CSMD1: variants seen among roughly 807,000 people sequenced by gnomAD.
CSMD1 encodes CUB and sushi domain-containing protein 1.
A neutral mutation model predicts 417.5 loss-of-function variants in CSMD1; 213 were observed. The ratio of observed to expected loss-of-function variants is 0.51; its 90% CI spans 0.46 to 0.57. The LOEUF is 0.57. Ranked by LOEUF, CSMD1 falls within the 20% of genes least tolerant of loss-of-function variation. The pLI, the probability that CSMD1 is intolerant of heterozygous loss-of-function variation, is 0.00. For synonymous variants in CSMD1, 2,862 were observed against 1,736.8 expected (o/e 1.65, Z -16.11); for missense variants, 6,923 against 4,529.7 (o/e 1.53, Z -15.17).
At chr8:3,183,806 G>A (rs776338557) in intron 36 of CSMD1, among the ~76,000 whole-genome samples, 5 of 152,160 alleles carry the variant, frequency 3.3e-5, no homozygotes, top group Non-Finnish European at 7.4e-5. Flanking sequence ...CTTAACTGGC[G>A]TGCATTCTAA....
chr8:3,203,940 C>T (rs1191130894), intron 31 of CSMD1, among the ~76,000 whole-genome samples: 1 of 152,180 alleles, frequency 6.6e-6, no homozygotes, highest in Non-Finnish European at 1.5e-5. Flanking sequence ...CTGCCTCACC[C>T]CTCACCATAA....
At chr8:4,150,494 G>C (rs369727973) in intron 3 of CSMD1, among the ~76,000 whole-genome samples, 1 of 152,274 alleles carries the variant, frequency 6.6e-6, no homozygotes, top group South Asian at 2.1e-4. Context: ...TCACAACAGA[G>C]ATATCTTCTA....
chr8:4,197,797 T>C (rs4875307), intron 3 of CSMD1, among the ~76,000 whole-genome samples: 31,722 of 151,982 alleles, frequency 0.21, 3,548 homozygotes, highest in East Asian at 0.34. Context: ...GAGGATTGCT[T>C]GAACCCAGGA....
chr8:3,645,970 A>G (rs1450804067), intron 7 of CSMD1, among the ~76,000 whole-genome samples: 1 of 152,104 alleles, frequency 6.6e-6, no homozygotes, highest in Non-Finnish European at 1.5e-5. Flanking sequence ...TTAAATTTAG[A>G]AAAAAACTAG....
chr8:4,090,575 A>T (rs1800664139), intron 3 of CSMD1, among the ~76,000 whole-genome samples: 1 of 152,184 alleles, frequency 6.6e-6, no homozygotes, highest in African/African-American at 2.4e-5. Flanking sequence ...TAAAATATTT[A>T]GGTGTGCTCA....
At chr8:3,569,401 C>A (rs1228439247) in intron 10 of CSMD1, among the ~76,000 whole-genome samples, 1 of 151,988 alleles carries the variant, frequency 6.6e-6, no homozygotes, top group Non-Finnish European at 1.5e-5. Flanking sequence ...ACAGTCAAAG[C>A]CGAGATAAGA....
chr8:4,961,935 C>T (rs541600510), intron 1 of CSMD1, among the ~76,000 whole-genome samples: 1 of 151,962 alleles, frequency 6.6e-6, no homozygotes, highest in Non-Finnish European at 1.5e-5. Flanking sequence ...TCAGTTATAA[C>T]ATTTGTTATT....
intron 2 of CSMD1, among the ~76,000 whole-genome samples, chr8:4,630,121 G>A (rs980155477): frequency 2.6e-5 from 4 of 152,142 alleles, no homozygotes; most frequent in African/African-American, 9.7e-5. Flanking sequence ...GGAGGTAGTT[G>A]TCTGAATTCA....
At chr8:4,942,267 C>A (rs554752209) in intron 1 of CSMD1, among the ~76,000 whole-genome samples, 36 of 152,248 alleles carry the variant, frequency 2.4e-4, no homozygotes, top group Non-Finnish European at 5.0e-4. Flanking sequence ...CTTCCCTCTT[C>A]CATCTTGATA....
intron 3 of CSMD1, among the ~76,000 whole-genome samples, chr8:4,120,092 G>C (rs766055502): frequency 2.0e-5 from 3 of 152,164 alleles, no homozygotes; most frequent in Non-Finnish European, 4.4e-5. Flanking sequence ...ATAAATGCTT[G>C]AGGGGATGGA....
chr8:3,805,302 C>T (rs562311980), intron 5 of CSMD1, among the ~76,000 whole-genome samples: 2 of 152,282 alleles, frequency 1.3e-5, no homozygotes, highest in East Asian at 3.9e-4. Context: ...ACAGATTCCA[C>T]CAGGACACCA....
intron 21 of CSMD1, among the ~76,000 whole-genome samples, chr8:3,357,526 C>A (rs534244605): frequency 1.8e-4 from 28 of 152,216 alleles, no homozygotes; most frequent in African/African-American, 5.8e-4. Context: ...ATATTTTAGA[C>A]CACAGAGTAA....
intron 2 of CSMD1, among the ~76,000 whole-genome samples, chr8:4,549,216 C>A (rs1297404269): frequency 6.6e-6 from 1 of 152,032 alleles, no homozygotes; most frequent in Admixed American, 6.6e-5. Flanking sequence ...CCATTGGCAG[C>A]AATGTAATGT....
At chr8:4,507,575 T>A (rs536131460) in intron 2 of CSMD1, among the ~76,000 whole-genome samples, 1 of 152,326 alleles carries the variant, frequency 6.6e-6, no homozygotes, top group East Asian at 1.9e-4. Context: ...ATGCATGTTA[T>A]CATAGTGGCT....
chr8:3,347,023 G>A (rs1203652403), intron 22 of CSMD1, among the ~76,000 whole-genome samples: 2 of 152,124 alleles, frequency 1.3e-5, no homozygotes, highest in Non-Finnish European at 1.5e-5. Flanking sequence ...CATGTTGAAA[G>A]AATTGTCTTG....
At chr8:4,528,962 G>C (rs1339873888) in intron 2 of CSMD1, among the ~76,000 whole-genome samples, 1 of 152,152 alleles carries the variant, frequency 6.6e-6, no homozygotes, top group South Asian at 2.1e-4. Context: ...CTGTATTTTT[G>C]TTAGGTCTTT....
intron 3 of CSMD1, among the ~76,000 whole-genome samples, chr8:4,350,985 G>T (rs1475660495): frequency 1.3e-5 from 2 of 152,028 alleles, no homozygotes; most frequent in African/African-American, 4.8e-5. Context: ...TAATAATTTT[G>T]CCTCTCTGCT....
At chr8:4,364,029 T>C (rs902196637) in intron 3 of CSMD1, among the ~76,000 whole-genome samples, 5 of 152,190 alleles carry the variant, frequency 3.3e-5, no homozygotes, top group Non-Finnish European at 5.9e-5. Flanking sequence ...TGTACTTATT[T>C]CAATAACTAA....
intron 3 of CSMD1, among the ~76,000 whole-genome samples, chr8:4,233,810 A>G (rs948014629): frequency 6.6e-6 from 1 of 152,162 alleles, no homozygotes; most frequent in African/African-American, 2.4e-5. Context: ...ATATTTCATG[A>G]AATTTCATTT....
Sources: gnomAD v4.1 joint callset for allele counts (sites outside exome capture counted in the v4.1 genomes callset) on GRCh38, gnomAD v4.1.1 for gene constraint, MANE v1.5 for transcripts, NCBI Gene and HGNC (gene_info 2026-07-23, HGNC 2026-07-21) for gene names.